The following NOX3 variants were observed in gnomAD, a reference collection of about 807,000 sequenced individuals.
NOX3 encodes the protein NADPH oxidase 3.
Under a neutral mutation model 76.7 loss-of-function variants are expected in NOX3, and 74 were observed. That is an observed-to-expected ratio of 0.96 (90% CI 0.80 to 1.17). NOX3 has a LOEUF of 1.17. Among genes scored for constraint, NOX3 ranks in the 50% most tolerant of loss-of-function variants. The pLI is 0.00. For synonymous variants in NOX3, 263 were observed against 261.1 expected (o/e 1.01, Z -0.07); for missense variants, 695 against 703.3 (o/e 0.99, Z 0.13).
chr6:155,440,717 T>C (rs1342742812), intron 5 of NOX3, among the ~76,000 whole-genome samples: 2 of 151,030 alleles, frequency 1.3e-5, no homozygotes, highest in African/African-American at 4.8e-5. Flanking sequence ...TTATGTTGAA[T>C]TGAAATTAGG....
intron 12 of NOX3, among the ~76,000 whole-genome samples, chr6:155,400,565 A>C (rs757465793): frequency 1.3e-5 from 2 of 152,090 alleles, no homozygotes; most frequent in Non-Finnish European, 1.5e-5. Flanking sequence ...AATGCCTCCA[A>C]ATGATTCATC....
intron 10 of NOX3, among the ~76,000 whole-genome samples, chr6:155,421,626 C>A (rs1171684446): frequency 6.6e-6 from 1 of 152,044 alleles, no homozygotes; most frequent in African/African-American, 2.4e-5. Context: ...TGCAGTGGTG[C>A]GATCACGGCT....
chr6:155,416,744 C>CTTTTTTTTTTTTTTTTTT (rs534711414), intron 10 of NOX3, among the ~76,000 whole-genome samples: 9 of 92,532 alleles, frequency 9.7e-5, no homozygotes, highest in Admixed American at 2.8e-4. Flanking sequence ...CTGAAACATT[C>CTTTTTTTTTTTTTTTTTT]TTTTTTTTTT....
intron 11 of NOX3, 114 bp downstream of exon 11, chr6:155,411,100 T>C (rs183391245): frequency 3.8e-6 from 3 of 785,656 alleles, no homozygotes; most frequent in East Asian, 2.9e-5. Flanking sequence ...TTTAAGAACA[T>C]AAAAATAATT....
intron 9 of NOX3, among the ~76,000 whole-genome samples, chr6:155,427,542 A>G (rs557258881): frequency 1.3e-5 from 2 of 152,328 alleles, no homozygotes; most frequent in African/African-American, 4.8e-5. Context: ...GAGGAAAGAC[A>G]ATGTCCTGCC....
chr6:155,398,823 G>A (rs1226469996), intron 12 of NOX3, among the ~76,000 whole-genome samples: 1 of 152,182 alleles, frequency 6.6e-6, no homozygotes, highest in African/African-American at 2.4e-5. Context: ...ATAAAATGGG[G>A]AGAATTATAG....
chr6:155,403,038 T>G (rs1455293924), intron 12 of NOX3, among the ~76,000 whole-genome samples: 1 of 152,172 alleles, frequency 6.6e-6, no homozygotes, highest in African/African-American at 2.4e-5. Context: ...TTAATAACCA[T>G]CCCGAGGAAA....
rs748834229 is a variant in NOX3, at chr6:155,428,986, G to A, written c.953C>T (p.Ala318Val). 8.4e-5 allele frequency: 135 copies of A among 1,612,590 alleles called. No individual in the cohort carries two copies. Among genetic ancestry groups the A allele is most frequent in the South Asian group, 3.9e-4 (35 of 90,892 alleles). The change falls in exon 9 of 14, where the codon GCG becomes GTG. Residue 318 changes from alanine to valine, a missense_variant. Physicochemically the swap from Ala to Val is moderately conservative, Grantham distance 64. Coordinates refer to ENST00000159060, the MANE Select transcript of NOX3 (RefSeq NM_015718.3). ...LHMKKRGFKM[A>V]PGQYILVQCP... Reference sequence around the variant, plus strand: ...CTGCACCAAGATGTACTGCCCTGGCGCCATTTTAAAGCCACGCTTTTTCAT... The same window carrying A: ...CTGCACCAAGATGTACTGCCCTGGCACCATTTTAAAGCCACGCTTTTTCAT...
rs896755431 is a variant in NOX3, at chr6:155,443,295, T to C, written c.464A>G (p.Asn155Ser). 6 of 1,613,916 alleles carry C rather than the reference T, an allele frequency of 3.7e-6. No homozygotes were observed. The highest frequency in any genetic ancestry group is 1.3e-5 in the African/African-American group (1 of 74,906). ...LGNTPNESYL[N>S]PVRTFPTNTT... is the part of the protein sequence containing the mutation. ...CACTGTGGGGAAGGTCCGGACAGGG[T>C]TGAGGTAGCTCTCGTTAGGGGTGTT... is the stretch of plus-strand genomic sequence containing the variant. The change falls in exon 5 of 14, where the codon AAC (asparagine) becomes AGC (serine). Residue 155 changes from asparagine to serine, a missense_variant. Asn to Ser is a conservative substitution (Grantham distance 46). Transcript: ENST00000159060.
rs1582924845 is a variant in NOX3 at position 155,401,983 on chromosome 6, T to G, written c.1581-5021A>C. Among the ~76,000 whole-genome samples, 6 of 152,266 alleles carry G rather than the reference T, an allele frequency of 3.9e-5. No homozygotes were observed. In the East Asian group the frequency reaches 1.2e-3, roughly 29 times the overall value. On this transcript the variant is annotated intron_variant, in intron 12 of 13. Transcript: ENST00000159060. ...TTTTATTCAATTAATTAAAAGCAAC[T>G]GATCCACAAATTCAGAAAGCTGAGT...
intron 12 of NOX3, among the ~76,000 whole-genome samples, chr6:155,400,407 C>A (rs2114673263): frequency 6.6e-6 from 1 of 152,272 alleles, no homozygotes; most frequent in South Asian, 2.1e-4. Context: ...TACTTTATAC[C>A]CTGAGTGCAT....
At chr6:155,426,127 T>G (rs1311388988) in intron 9 of NOX3, among the ~76,000 whole-genome samples, 1 of 152,208 alleles carries the variant, frequency 6.6e-6, no homozygotes, top group East Asian at 1.9e-4. Context: ...ATGTTGAAGA[T>G]TTAAACAAAT....
intron 10 of NOX3, among the ~76,000 whole-genome samples, chr6:155,415,178 T>C (rs1776608559): frequency 6.6e-6 from 1 of 152,184 alleles, no homozygotes. Context: ...AGGCTTCTCT[T>C]TAAGAATTCT....
At chr6:155,437,865 C>T (rs772519925) in intron 6 of NOX3, among the ~76,000 whole-genome samples, 2 of 152,214 alleles carry the variant, frequency 1.3e-5, no homozygotes, top group African/African-American at 2.4e-5. Flanking sequence ...TCACTTGGCA[C>T]TTTGTGTAGA....
chr6:155,438,353 T>C (rs1776937928), intron 6 of NOX3, among the ~76,000 whole-genome samples: 2 of 152,324 alleles, frequency 1.3e-5, no homozygotes, highest in Middle Eastern at 3.4e-3. Flanking sequence ...CAGAGACCTC[T>C]AGCTGAAAGA....
chr6:155,446,736 A>G (rs932287744), intron 4 of NOX3, among the ~76,000 whole-genome samples: 1 of 152,170 alleles, frequency 6.6e-6, no homozygotes, highest in Non-Finnish European at 1.5e-5. Context: ...AACCGTTTCT[A>G]AGGCTTCTGG....
At chr6:155,437,658 A>G (rs1181859989) in intron 6 of NOX3, among the ~76,000 whole-genome samples, 1 of 152,250 alleles carries the variant, frequency 6.6e-6, no homozygotes, top group East Asian at 1.9e-4. Context: ...AGTGAGAGTC[A>G]GAGGAAAGAT....
intron 4 of NOX3, among the ~76,000 whole-genome samples, chr6:155,445,540 C>T (rs1777048693): frequency 6.6e-6 from 1 of 152,114 alleles, no homozygotes; most frequent in Admixed American, 6.6e-5. Flanking sequence ...TTCTGATTTG[C>T]AAAATTTTCT....
chr6:155,401,728 A>G (rs912041490), intron 12 of NOX3, among the ~76,000 whole-genome samples: 1 of 152,036 alleles, frequency 6.6e-6, no homozygotes, highest in African/African-American at 2.4e-5. Flanking sequence ...TGTTCTAACA[A>G]ATGGTAGTAC....
Sources: allele counts gnomAD v4.1 joint callset (sites outside exome capture counted in the v4.1 genomes callset), GRCh38; gene constraint gnomAD v4.1.1; transcripts MANE v1.5; gene names NCBI Gene and HGNC (gene_info 2026-07-23, HGNC 2026-07-21).